ADAMTS12: variants seen among roughly 807,000 people sequenced by gnomAD.
ADAMTS12 encodes the protein ADAM metallopeptidase with thrombospondin type 1 motif 12.
Under a neutral mutation model 167.8 loss-of-function variants are expected in ADAMTS12, and 118 were observed. The observed-to-expected ratio is 0.70, with a 90% CI of 0.61 to 0.82. The LOEUF is 0.82. ADAMTS12 is among the 40% of genes least tolerant of loss of function. The pLI is 0.00. For missense variants in ADAMTS12, 1,916 were observed against 1,998.8 expected (o/e 0.96, Z 0.79); for synonymous variants, 704 against 716.9 (o/e 0.98, Z 0.29).
At chr5:33,574,557 T>C (rs908180277) in intron 19 of ADAMTS12, among the ~76,000 whole-genome samples, 53 of 127,926 alleles carry the variant, frequency 4.1e-4, no homozygotes, top group African/African-American at 1.5e-3. Flanking sequence ...TGAGAATACA[T>C]GGACACAGGA....
At chr5:33,550,052 C>T (rs1303330023) in intron 20 of ADAMTS12, among the ~76,000 whole-genome samples, 2 of 152,182 alleles carry the variant, frequency 1.3e-5, no homozygotes, top group African/African-American at 4.8e-5. Context: ...AGAGTCTTCT[C>T]AGCACTTGCC....
chr5:33,810,234 A>T (rs1188869107), intron 2 of ADAMTS12, among the ~76,000 whole-genome samples: 2 of 152,168 alleles, frequency 1.3e-5, no homozygotes, highest in Non-Finnish European at 2.9e-5. Context: ...AGGCCTGTAA[A>T]AATAAAAATC....
intron 3 of ADAMTS12, among the ~76,000 whole-genome samples, chr5:33,691,542 C>T (rs1019759633): frequency 7.2e-5 from 11 of 152,084 alleles, no homozygotes; most frequent in African/African-American, 1.7e-4. Flanking sequence ...TCCATCTTGC[C>T]GGAACAGAAA....
intron 3 of ADAMTS12, among the ~76,000 whole-genome samples, chr5:33,745,855 T>C (rs1265232389): frequency 2.0e-5 from 3 of 152,178 alleles, no homozygotes; most frequent in East Asian, 1.9e-4. Context: ...ACAAAACTAA[T>C]AGGGTTATTA....
At chr5:33,676,602 T>G (rs1462560511) in intron 5 of ADAMTS12, among the ~76,000 whole-genome samples, 4 of 151,612 alleles carry the variant, frequency 2.6e-5, no homozygotes, top group African/African-American at 7.3e-5. Context: ...GAGGATGGCT[T>G]GACCCCAGTA....
intron 18 of ADAMTS12, among the ~76,000 whole-genome samples, 157 bp from the exon 19 acceptor site, chr5:33,577,317 A>G (rs1746810439): frequency 6.6e-6 from 1 of 152,202 alleles, no homozygotes. Flanking sequence ...TCAGTTTTCC[A>G]TGGAAATATG....
Position 33,596,066 on chromosome 5 carries a change from G to C in ADAMTS12, c.2528-6C>G. On this transcript the variant is annotated splice_polypyrimidine_tract_variant and splice_region_variant and intron_variant, in intron 16 of 23. Transcript: ENST00000504830. ...GGCAGTTTGGCGGCGGATACCTGGG[G>C]GTCAGACAGAAAGATTCACACATAT... 6.2e-7 allele frequency: 1 copy of C among 1,613,714 alleles called. No homozygotes were observed. The highest frequency in any genetic ancestry group is 8.5e-7 in the Non-Finnish European group (1 of 1,179,816).
At chr5:33,826,342 C>G (rs974095516) in intron 2 of ADAMTS12, among the ~76,000 whole-genome samples, 2 of 151,522 alleles carry the variant, frequency 1.3e-5, no homozygotes, top group African/African-American at 2.4e-5. Context: ...AGCTGCCCAC[C>G]TAACTCACCC....
chr5:33,775,653 G>A (rs540476292), intron 2 of ADAMTS12, among the ~76,000 whole-genome samples: 2 of 152,292 alleles, frequency 1.3e-5, no homozygotes, highest in Admixed American at 6.5e-5. Flanking sequence ...TAACACCTGG[G>A]TGGAGTGCAG....
chr5:33,651,654 T>G (rs951600856), intron 7 of ADAMTS12, among the ~76,000 whole-genome samples: 2 of 152,200 alleles, frequency 1.3e-5, no homozygotes, highest in African/African-American at 4.8e-5. Flanking sequence ...CTATTCTTTA[T>G]TTTTATAAGT....
At chr5:33,849,804 C>T (rs753175180) in intron 2 of ADAMTS12, among the ~76,000 whole-genome samples, 8 of 147,874 alleles carry the variant, frequency 5.4e-5, no homozygotes, top group Non-Finnish European at 1.0e-4. Context: ...ATATGTATTG[C>T]ATAGCAATAT....
chr5:33,724,551 T>C (rs1358522854), intron 3 of ADAMTS12, among the ~76,000 whole-genome samples: 1 of 151,546 alleles, frequency 6.6e-6, no homozygotes, highest in East Asian at 1.9e-4. Context: ...GCTTCTTTTT[T>C]TTTTTTTTTT....
intron 18 of ADAMTS12, among the ~76,000 whole-genome samples, chr5:33,580,316 A>G (rs1746998946): frequency 6.6e-6 from 1 of 152,204 alleles, no homozygotes; most frequent in Non-Finnish European, 1.5e-5. Context: ...GGAAGCAGAC[A>G]CATCCTTCTT....
rs1180784364 is a variant in ADAMTS12, at chr5:33,525,196, C to T, written c.*1992G>A. 3.3e-5 allele frequency: 5 copies of T among 152,226 alleles called. 1 individual carries two copies. Among genetic ancestry groups the T allele is most frequent in the Admixed American group, 1.3e-4 (2 of 15,280 alleles). 9.4% of individuals were successfully genotyped at this position (152,226 alleles called of 1,614,324 possible). A position where few individuals can be genotyped will look rare whatever the true frequency, so the allele number is the denominator to read the frequency against. ...GATTCTCCTCCACTCATGTCACTAA[C>T]AATTTAAGTGTCTCCTCTCCTCGAA... On this transcript the variant is annotated 3_prime_UTR_variant, in exon 24 of 24. Coordinates refer to ENST00000504830, the MANE Select transcript of ADAMTS12 (RefSeq NM_030955.4).
intron 13 of ADAMTS12, among the ~76,000 whole-genome samples, chr5:33,625,001 C>A (rs2112124023): frequency 6.6e-6 from 1 of 152,294 alleles, no homozygotes; most frequent in East Asian, 1.9e-4. Flanking sequence ...TCGTTTGAAT[C>A]TCTTTTTAGA....
chr5:33,792,157 C>T (rs1345138256), intron 2 of ADAMTS12, among the ~76,000 whole-genome samples: 1 of 152,040 alleles, frequency 6.6e-6, no homozygotes, highest in Non-Finnish European at 1.5e-5. Flanking sequence ...ACCACCATAC[C>T]CAGCTAATTT....
intron 2 of ADAMTS12, among the ~76,000 whole-genome samples, chr5:33,774,791 T>C (rs1745860057): frequency 6.6e-6 from 1 of 152,232 alleles, no homozygotes; most frequent in Admixed American, 6.5e-5. Flanking sequence ...CTGTTACTCA[T>C]GTCCTGCTTT....
chr5:33,664,930 A>G (rs1334818268), intron 5 of ADAMTS12, among the ~76,000 whole-genome samples: 1 of 152,214 alleles, frequency 6.6e-6, no homozygotes, highest in Admixed American at 6.5e-5. Context: ...ACTGTAAGGT[A>G]TACATATCAT....
intron 2 of ADAMTS12, among the ~76,000 whole-genome samples, chr5:33,807,331 G>A (rs1747274508): frequency 6.6e-6 from 1 of 152,182 alleles, no homozygotes; most frequent in African/African-American, 2.4e-5. Flanking sequence ...CTAAATACAG[G>A]AGAGGAATAC....
Sources: allele counts gnomAD v4.1 joint callset (sites outside exome capture counted in the v4.1 genomes callset), GRCh38; gene constraint gnomAD v4.1.1; transcripts MANE v1.5; gene names NCBI Gene and HGNC (gene_info 2026-07-23, HGNC 2026-07-21).